The following ICAM4 variants were observed in gnomAD, a reference collection of about 807,000 sequenced individuals.
ICAM4 encodes intercellular adhesion molecule 4 (Landsteiner-Wiener blood group).
A neutral mutation model predicts 18.8 loss-of-function variants in ICAM4; 16 were observed. The ratio of observed to expected loss-of-function variants is 0.85; its 90% CI spans 0.58 to 1.29. The LOEUF is 1.29. Ranked by LOEUF, ICAM4 falls within the 50% of genes most tolerant of loss-of-function variation. ICAM4 has a pLI of 0.00. For missense variants in ICAM4, 338 were observed against 364.3 expected (o/e 0.93, Z 0.59); for synonymous variants, 163 against 163.2 (o/e 1.00, Z 0.01).
chr19:10,288,007 CT>C lies in ICAM4; in HGVS notation c.722del (p.Leu241TrpfsTer10). 1 of 1,614,166 alleles carries C rather than the reference CT, an allele frequency of 6.2e-7. No individual in the cohort carries two copies. The highest frequency in any genetic ancestry group is 8.5e-7 in the Non-Finnish European group (1 of 1,180,034). On this transcript the variant is annotated frameshift_variant, in exon 3 of 3. Coordinates refer to ENST00000380770, the MANE Select transcript of ICAM4 (RefSeq NM_001544.5). LOFTEE classifies it low-confidence loss of function (END_TRUNC). ...CCAGCTTGGAGCCCCGCGCCCACAG[CT>C]TTGGCCTCCGGTTCCATCGCTGCCC... ...LMLAWSPAPTALASGSIAALV... is the reference protein window; with the variant it reads ...LMLAWSPAPTXLASGSIAALV...
Position 10,287,834 on chromosome 19 carries a change from G to A in ICAM4, c.693G>A (p.Met231Ile), listed in dbSNP as rs540595516. Residue 231 changes from methionine (M) to isoleucine (I), a missense_variant, in exon 2 of 3, where the codon ATG becomes ATA. Transcript: ENST00000380770. This position sits in a 1 kb window ranked among gnomAD's most constrained non-coding sequence, Gnocchi z 8.7. ...ACAGCTCGGCACCCATTACACTGAT[G>A]CTCGGTGAGGCACCCCTGTAACCCT... ...VRNSSAPITL[M>I]LAWSPAPTAL... is the part of the protein sequence containing the mutation. 11 of 1,610,816 alleles carry A rather than the reference G, an allele frequency of 6.8e-6. No homozygotes were observed. The East Asian group carries it at 2.2e-4, about 33-fold the overall frequency.
rs1031232718 is a variant in ICAM4 at position 10,287,415 on chromosome 19, C to G, written c.394+9C>G. 8.1e-6 allele frequency: 13 copies of G among 1,597,242 alleles called. No homozygotes were observed. In the African/African-American group the frequency reaches 1.5e-4, roughly 18 times the overall value. Reference sequence around the variant, plus strand: ...CAGGATCACCGCCTACAGTGAGGGACAGGGGCTCGGTCCCGGCTGGGGTGA... The same window carrying G: ...CAGGATCACCGCCTACAGTGAGGGAGAGGGGCTCGGTCCCGGCTGGGGTGA... On this transcript the variant is annotated intron_variant, in intron 1 of 2. Transcript: ENST00000380770. The surrounding 1 kb of genome is among the most constrained non-coding windows in gnomAD (Gnocchi z 8.7).
In ICAM4 at chr19:10,287,580, A is replaced by G. The variant is rs1471103870; in HGVS notation, c.439A>G (p.Arg147Gly). ...TTTGGAGCCTCCGGTCTTAAAGGGC[A>G]GGAAATACACTTTGCGCTGCCACGT... Reference protein sequence around the residue: ...VILEPPVLKGRKYTLRCHVTQ... With the variant: ...VILEPPVLKGGKYTLRCHVTQ... Residue 147 changes from arginine (R) to glycine (G), a missense_variant, in exon 2 of 3, where the codon AGG becomes GGG. By Grantham distance (125) the Arg-to-Gly change is moderately radical. Coordinates refer to ENST00000380770, the MANE Select transcript of ICAM4 (RefSeq NM_001544.5). This position sits in a 1 kb window ranked among gnomAD's most constrained non-coding sequence, Gnocchi z 8.7. The G allele has an allele frequency of 6.2e-7, 1 of 1,614,010 alleles. No individual in the cohort carries two copies. The highest frequency in any genetic ancestry group is 8.5e-7 in the Non-Finnish European group (1 of 1,179,960).
At position 10,288,474 on chromosome 19, in the gene ICAM4, A is replaced by C; in HGVS notation, c.*370A>C. ...AAAAATAAAATAAAAATAAAAATAA[A>C]TATTGGCGGGGGAACCCTCTGGAAT... On this transcript the variant is annotated 3_prime_UTR_variant, in exon 3 of 3. Coordinates refer to ENST00000380770, the MANE Select transcript of ICAM4 (RefSeq NM_001544.5). The C allele has an allele frequency of 5.6e-6, 2 of 354,916 alleles. No individual in the cohort carries two copies. Among genetic ancestry groups the C allele is most frequent in the East Asian group, 6.4e-5 (1 of 15,586 alleles). The allele number at this position is 354,916 out of a possible 1,614,324, so 22.0% of individuals were successfully genotyped here. A position where few individuals can be genotyped will look rare whatever the true frequency, so the allele number is the denominator to read the frequency against.
Position 10,287,356 on chromosome 19 carries a change from T to C in ICAM4, c.344T>C (p.Val115Ala), listed in dbSNP as rs1476627024. 6.2e-7 allele frequency: 1 copy of C among 1,611,266 alleles called. No homozygotes were observed. The highest frequency in any genetic ancestry group is 8.5e-7 in the Non-Finnish European group (1 of 1,179,048). Reference sequence around the variant, plus strand: ...TGGAGCTCCCTCGCGCACTGCCTCGTGACCTGCGCAGGAAAAACACGCTGG... The same window carrying C: ...TGGAGCTCCCTCGCGCACTGCCTCGCGACCTGCGCAGGAAAAACACGCTGG... ...RAWSSLAHCLVTCAGKTRWAT... is the reference protein window; with the variant it reads ...RAWSSLAHCLATCAGKTRWAT... Residue 115 changes from valine to alanine, a missense_variant, in exon 1 of 3, where the codon GTG becomes GCG. By Grantham distance (64) the Val-to-Ala change is moderately conservative. Transcript: ENST00000380770. The surrounding 1 kb of genome is among the most constrained non-coding windows in gnomAD (Gnocchi z 8.7).
In ICAM4 at chr19:10,287,795, C is replaced by T. The variant is rs760105445; in HGVS notation, c.654C>T (p.Gly218=). Residue 218 remains glycine, a synonymous_variant, in exon 2 of 3, where the codon GGC becomes GGT. Coordinates refer to ENST00000380770, the MANE Select transcript of ICAM4 (RefSeq NM_001544.5). This position sits in a 1 kb window ranked among gnomAD's most constrained non-coding sequence, Gnocchi z 8.7. ...GCCACGCGCGCCTCAATCTCGACGG[C>T]CTGGTGGTCCGCAACAGCTCGGCAC... The part of the protein sequence containing the change: ...VICHARLNLD[G]LVVRNSSAPI... The T allele has an allele frequency of 1.9e-6, 3 of 1,613,278 alleles. No individual in the cohort carries two copies. In the South Asian group the frequency reaches 3.3e-5, roughly 18 times the overall value.
At position 10,287,537 on chromosome 19, in the gene ICAM4, A is replaced by G; in HGVS notation, c.396A>G (p.Lys132=). ...CTCAGAGGCTCCCCCTTGCCTTAGA[A>G]CCGCCCCACAGCGTGATTTTGGAGC... ...RWATSRITAY[K]PPHSVILEPP... Residue 132 remains lysine, a splice_region_variant and synonymous_variant, in exon 2 of 3, where the codon AAA becomes AAG. Coordinates refer to ENST00000380770, the MANE Select transcript of ICAM4 (RefSeq NM_001544.5). This position sits in a 1 kb window ranked among gnomAD's most constrained non-coding sequence, Gnocchi z 8.7. 6.2e-7 allele frequency: 1 copy of G among 1,612,578 alleles called. No homozygotes were observed. Among genetic ancestry groups the G allele is most frequent in the Non-Finnish European group, 8.5e-7 (1 of 1,179,050 alleles).
Position 10,288,318 on chromosome 19 carries a change from C to T in ICAM4, c.*214C>T, listed in dbSNP as rs1599275628. The T allele has an allele frequency of 2.8e-6, 2 of 725,002 alleles. No individual in the cohort carries two copies. The highest frequency in any genetic ancestry group is 2.8e-5 in the East Asian group (1 of 36,362). 44.9% of individuals were successfully genotyped at this position (725,002 alleles called of 1,614,324 possible). A position where few individuals can be genotyped will look rare whatever the true frequency, so the allele number is the denominator to read the frequency against. On this transcript the variant is annotated 3_prime_UTR_variant, in exon 3 of 3. Coordinates refer to ENST00000380770, the MANE Select transcript of ICAM4 (RefSeq NM_001544.5). ...CACAAATTAGCCTGGTGTGGTGGCC[C>T]GCACCTGTGGTCCCAGCTACCCGGG...
rs1205889579 is a variant in ICAM4, at chr19:10,286,966, C to G, written c.-47C>G. ...CTGCGGGCCTCCTTATCTCTAGAGCCGGCCCTGGCTCTCTGGCGCGGGGCC... is the reference window on the plus strand; with the variant it reads ...CTGCGGGCCTCCTTATCTCTAGAGCGGGCCCTGGCTCTCTGGCGCGGGGCC... On this transcript the variant is annotated 5_prime_UTR_variant, in exon 1 of 3. Coordinates refer to ENST00000380770, the MANE Select transcript of ICAM4 (RefSeq NM_001544.5). 7 of 1,459,520 alleles carry G rather than the reference C, an allele frequency of 4.8e-6. No homozygotes were observed. The Admixed American group carries it at 7.9e-5, about 16-fold the overall frequency. The allele number at this position is 1,459,520 out of a possible 1,614,324, so 90.4% of individuals were successfully genotyped here.
rs2040117845 is a variant in ICAM4 at position 10,287,136 on chromosome 19, TC to T, written c.126del (p.Thr44ProfsTer9). On this transcript the variant is annotated frameshift_variant, in exon 1 of 3. Transcript: ENST00000380770. LOFTEE classifies it high-confidence loss of function. The surrounding 1 kb of genome is among the most constrained non-coding windows in gnomAD (Gnocchi z 8.7). ...QSPKGSPLAP[S>X]GTSVPFWVRM... The stretch of plus-strand genomic sequence containing the variant: ...CCCCAAGGGTAGCCCTCTCGCGCCC[TC>T]CGGGACCTCAGTGCCCTTCTGGGTG... 6.2e-7 allele frequency: 1 copy of T among 1,609,394 alleles called. No individual in the cohort carries two copies. The highest frequency in any genetic ancestry group is 1.3e-5 in the African/African-American group (1 of 74,980).
rs1470542103 is a variant in ICAM4 at position 10,287,948 on chromosome 19, C to T, written c.698-38C>T. 1 of 1,613,508 alleles carries T rather than the reference C, an allele frequency of 6.2e-7. No individual in the cohort carries two copies. The highest frequency in any genetic ancestry group is 8.5e-7 in the Non-Finnish European group (1 of 1,179,852). On this transcript the variant is annotated intron_variant, in intron 2 of 2. Coordinates refer to ENST00000380770, the MANE Select transcript of ICAM4 (RefSeq NM_001544.5). This position sits in a 1 kb window ranked among gnomAD's most constrained non-coding sequence, Gnocchi z 8.7. ...AGCTCCACGCGGGTCGACAGACCTC[C>T]CTGTGTTCCGTTCCTAATTCTCGCC...
rs1296549772 is a variant in ICAM4, at chr19:10,287,875, G to T, written c.697+37G>T. On this transcript the variant is annotated intron_variant, in intron 2 of 2. Transcript: ENST00000380770. This position sits in a 1 kb window ranked among gnomAD's most constrained non-coding sequence, Gnocchi z 8.7. ...CTGTAACCCTGGGGACTAGGAGGAA[G>T]GGGGCAGAGAGAGTTATGACCCCGA... The T allele has an allele frequency of 1.9e-6, 3 of 1,607,896 alleles. No individual in the cohort carries two copies. Among genetic ancestry groups the T allele is most frequent in the Non-Finnish European group, 2.5e-6 (3 of 1,178,750 alleles).
At position 10,287,233 on chromosome 19, in the gene ICAM4, C is replaced by T; in HGVS notation, c.221C>T (p.Pro74Leu). Residue 74 changes from proline to leucine, a missense_variant, in exon 1 of 3, where the codon CCC (proline) becomes CTC (leucine). Coordinates refer to ENST00000380770, the MANE Select transcript of ICAM4 (RefSeq NM_001544.5). This position sits in a 1 kb window ranked among gnomAD's most constrained non-coding sequence, Gnocchi z 8.7. Reference sequence around the variant, plus strand: ...CAGCTCAATTGCAGCAACAGCTGTCCCCAGCCGCAGAATTCCAGCCTCCGC... The same window carrying T: ...CAGCTCAATTGCAGCAACAGCTGTCTCCAGCCGCAGAATTCCAGCCTCCGC... ...SVQLNCSNSC[P>L]QPQNSSLRTP... is the part of the protein sequence containing the mutation. 1 of 1,613,376 alleles carries T rather than the reference C, an allele frequency of 6.2e-7. No individual in the cohort carries two copies. Among genetic ancestry groups the T allele is most frequent in the African/African-American group, 1.3e-5 (1 of 75,050 alleles).
Position 10,287,491 on chromosome 19 carries a change from A to G in ICAM4, c.395-45A>G. 1 of 1,600,556 alleles carries G rather than the reference A, an allele frequency of 6.2e-7. No homozygotes were observed. The highest frequency in any genetic ancestry group is 8.5e-7 in the Non-Finnish European group (1 of 1,172,342). On this transcript the variant is annotated intron_variant, in intron 1 of 2. Coordinates refer to ENST00000380770, the MANE Select transcript of ICAM4 (RefSeq NM_001544.5). This position sits in a 1 kb window ranked among gnomAD's most constrained non-coding sequence, Gnocchi z 8.7. ...GAAGGGTAGTTGACAGTCGCTCTATAGGGAGCGCCCGCGGACCTCACTCAG... is the reference window on the plus strand; with the variant it reads ...GAAGGGTAGTTGACAGTCGCTCTATGGGGAGCGCCCGCGGACCTCACTCAG...
At position 10,288,161 on chromosome 19, in the gene ICAM4, G is replaced by A. The variant is rs1449820898; in HGVS notation, c.*57G>A. The A allele has an allele frequency of 6.2e-7, 1 of 1,613,884 alleles. No individual in the cohort carries two copies. Among genetic ancestry groups the A allele is most frequent in the South Asian group, 1.1e-5 (1 of 91,076 alleles). On this transcript the variant is annotated 3_prime_UTR_variant, in exon 3 of 3. Coordinates refer to ENST00000380770, the MANE Select transcript of ICAM4 (RefSeq NM_001544.5). Reference sequence around the variant, plus strand: ...AAAGAGGAATATGAAACAATCTGGGGAAATGGCCATACATGGTGGCTGACG... The same window carrying A: ...AAAGAGGAATATGAAACAATCTGGGAAAATGGCCATACATGGTGGCTGACG...
rs1207837950 is a variant in ICAM4 at position 10,288,068 on chromosome 19, C to CCTAG, written c.783_784insGCTA (p.Cys262AlafsTer39). On this transcript the variant is annotated frameshift_variant, in exon 3 of 3. Coordinates refer to ENST00000380770, the MANE Select transcript of ICAM4 (RefSeq NM_001544.5). LOFTEE classifies it low-confidence loss of function (END_TRUNC). ...TCCTCCTCACTGTGGGCGCTGCGTA[C>CCTAG]CTATGCAAGTGCCTAGCTATGAAGT... 1.2e-6 allele frequency: 2 copies of CCTAG among 1,614,148 alleles called. No homozygotes were observed. The highest frequency in any genetic ancestry group is 2.2e-5 in the South Asian group (2 of 91,082).
At position 10,287,148 on chromosome 19, in the gene ICAM4, G is replaced by C; in HGVS notation, c.136G>C (p.Val46Leu). 1 of 1,610,654 alleles carries C rather than the reference G, an allele frequency of 6.2e-7. No homozygotes were observed. ...GSPLAPSGTSVPFWVRMSPEF... is the reference protein window; with the variant it reads ...GSPLAPSGTSLPFWVRMSPEF... ...CCCTCTCGCGCCCTCCGGGACCTCA[G>C]TGCCCTTCTGGGTGCGCATGAGCCC... The change falls in exon 1 of 3, where the codon GTG becomes CTG. Residue 46 changes from valine to leucine, a missense_variant. Val to Leu is a conservative substitution (Grantham distance 32). Coordinates refer to ENST00000380770, the MANE Select transcript of ICAM4 (RefSeq NM_001544.5). This position sits in a 1 kb window ranked among gnomAD's most constrained non-coding sequence, Gnocchi z 8.7.
At position 10,288,174 on chromosome 19, in the gene ICAM4, A is replaced by T. The variant is rs974542661; in HGVS notation, c.*70A>T. The T allele has an allele frequency of 5.0e-6, 8 of 1,612,746 alleles. No individual in the cohort carries two copies. Among genetic ancestry groups the T allele is most frequent in the Non-Finnish European group, 6.8e-6 (8 of 1,179,282 alleles). On this transcript the variant is annotated 3_prime_UTR_variant, in exon 3 of 3. Transcript: ENST00000380770. The stretch of plus-strand genomic sequence containing the variant: ...AAACAATCTGGGGAAATGGCCATAC[A>T]TGGTGGCTGACGCCTGTAATCCCAG...
At position 10,288,075 on chromosome 19, in the gene ICAM4, A is replaced by C; in HGVS notation, c.787A>C (p.Lys263Gln). The C allele has an allele frequency of 6.2e-7, 1 of 1,614,112 alleles. No homozygotes were observed. Among genetic ancestry groups the C allele is most frequent in the Non-Finnish European group, 8.5e-7 (1 of 1,180,006 alleles). ...LLTVGAAYLCKCLAMKSQA is the reference protein window; with the variant it reads ...LLTVGAAYLCQCLAMKSQA Reference sequence around the variant, plus strand: ...CACTGTGGGCGCTGCGTACCTATGCAAGTGCCTAGCTATGAAGTCCCAGGC... The same window carrying C: ...CACTGTGGGCGCTGCGTACCTATGCCAGTGCCTAGCTATGAAGTCCCAGGC... Residue 263 changes from lysine (K) to glutamine (Q), a missense_variant, in exon 3 of 3, where the codon AAG (lysine) becomes CAG (glutamine). Transcript: ENST00000380770.
Sources: gnomAD v4.1 joint callset for allele counts on GRCh38, gnomAD v4.1.1 for gene constraint, Gnocchi (gnomAD v3.1) non-coding constraint, MANE v1.5 for transcripts, NCBI Gene and HGNC (gene_info 2026-07-23, HGNC 2026-07-21) for gene names.